BET1: variants seen among roughly 807,000 people sequenced by gnomAD.
BET1 encodes the protein BET1 homolog.
In BET1, 9 loss-of-function variants were observed where a neutral mutation model predicts 13.9. That is an observed-to-expected ratio of 0.65 (90% CI 0.39 to 1.13). BET1 has a LOEUF of 1.13. Ranked by LOEUF, BET1 falls within the 50% of genes most tolerant of loss-of-function variation. The pLI is 0.01. For missense variants in BET1, 127 were observed against 133.6 expected (o/e 0.95, Z 0.24); for synonymous variants, 39 against 47.3 (o/e 0.82, Z 0.72).
intron 1 of BET1, among the ~76,000 whole-genome samples, chr7:94,002,883 C>G (rs1795941560): frequency 1.3e-5 from 2 of 152,230 alleles, no homozygotes; most frequent in African/African-American, 4.8e-5. Flanking sequence ...ACCAAATACA[C>G]AAAGATCTTC....
chr7:93,992,648 C>T (rs1267885045), downstream of BET1: 2 of 985,066 alleles, frequency 2.0e-6, no homozygotes, highest in African/African-American at 3.5e-5. Flanking sequence ...CTGAAAACAA[C>T]CTATTGTCTT....
intron 1 of BET1, among the ~76,000 whole-genome samples, chr7:94,000,583 A>C (rs1342276796): frequency 6.6e-6 from 1 of 152,128 alleles, no homozygotes; most frequent in East Asian, 1.9e-4. Context: ...CGGTGGCTTC[A>C]ATCGTCCCAG....
chr7:93,993,684 G>T lies in BET1; in HGVS notation c.*546C>A. 7.4e-7 allele frequency: 1 copy of T among 1,343,942 alleles called. No homozygotes were observed. Among genetic ancestry groups the T allele is most frequent in the East Asian group, 2.8e-5 (1 of 35,304 alleles). 83.3% of individuals were successfully genotyped at this position (1,343,942 alleles called of 1,614,324 possible). ...GGTCTTTGGGCAGAAAGAAATGAGG[G>T]GTCATTATCATCAAAAATTATTAGG... is the stretch of plus-strand genomic sequence containing the variant. On this transcript the variant is annotated 3_prime_UTR_variant, in exon 4 of 4. Coordinates refer to ENST00000222547, the MANE Select transcript of BET1 (RefSeq NM_005868.6).
chr7:93,984,365 C>G (rs1375257812), intron 4 of BET1, among the ~76,000 whole-genome samples: 2 of 152,094 alleles, frequency 1.3e-5, no homozygotes, highest in Non-Finnish European at 2.9e-5. Flanking sequence ...TCTGGGTGTA[C>G]ATGAATCTTT....
chr7:93,967,436 G>A (rs1292733283), intron 6 of BET1, among the ~76,000 whole-genome samples: 2 of 151,810 alleles, frequency 1.3e-5, no homozygotes, highest in African/African-American at 4.8e-5. Context: ...AACTTTAGTT[G>A]TGAAATTCCT....
downstream of BET1, chr7:93,992,294 C>T (rs1795652556): frequency 1.0e-6 from 1 of 985,176 alleles, no homozygotes; most frequent in East Asian, 1.1e-4. Flanking sequence ...CTTGATGATA[C>T]TGTCCACATT....
intron 5 of BET1, among the ~76,000 whole-genome samples, chr7:93,975,567 G>T (rs1361668209): frequency 6.6e-6 from 1 of 152,040 alleles, no homozygotes; most frequent in South Asian, 2.1e-4. Context: ...AATTTTAAAA[G>T]ATAATGCAAA....
At chr7:93,992,738 C>G (rs1795662357), downstream of BET1, 2 of 944,044 alleles carry the variant, frequency 2.1e-6, no homozygotes, top group African/African-American at 3.6e-5. Context: ...TTATCGCATA[C>G]CAGGCACTTT....
At chr7:93,993,017 G>A (rs151190825), downstream of BET1, 12 of 984,042 alleles carry the variant, frequency 1.2e-5, no homozygotes, top group African/African-American at 1.9e-4. Context: ...AGGTTATTAG[G>A]GATGAACAAA....
chr7:93,981,103 T>C (rs929618448), intron 4 of BET1, among the ~76,000 whole-genome samples: 1 of 152,192 alleles, frequency 6.6e-6, no homozygotes, highest in Non-Finnish European at 1.5e-5. Flanking sequence ...TTAATATTTG[T>C]AGTATTTTAT....
At chr7:93,984,031 A>G (rs1795478277) in intron 4 of BET1, among the ~76,000 whole-genome samples, 1 of 152,154 alleles carries the variant, frequency 6.6e-6, no homozygotes, top group Admixed American at 6.6e-5. Context: ...TTATCCCACA[A>G]TTCAGGAGGC....
chr7:93,976,994 G>C (rs953324051), intron 4 of BET1, among the ~76,000 whole-genome samples: 48 of 152,152 alleles, frequency 3.2e-4, no homozygotes, highest in African/African-American at 1.1e-3. Context: ...AGGTTCCTGC[G>C]AATGCCCTTA....
At chr7:93,965,875 A>T (rs1282338309) in intron 6 of BET1, among the ~76,000 whole-genome samples, 1 of 152,062 alleles carries the variant, frequency 6.6e-6, no homozygotes, top group African/African-American at 2.4e-5. Flanking sequence ...ATAAGAAAAC[A>T]AGATAGACCT....
At position 93,986,550 on chromosome 7, in the gene BET1, C is replaced by T. The variant is rs569267365; in HGVS notation, c.235+7802G>A. On this transcript the variant is annotated intron_variant and NMD_transcript_variant, in intron 4 of 6. Transcript: ENST00000357520. ...AATTGCCAACAGTAGGGATATGCCC[C>T]GCCTGTCACTTGAATACGTTCTTAA... 8.5e-5 allele frequency among the ~76,000 whole-genome samples: 13 copies of T among 152,304 alleles called. No individual in the cohort carries two copies. The South Asian group carries it at 2.5e-3, about 29-fold the overall frequency.
chr7:93,972,183 A>G (rs923360841), intron 6 of BET1, among the ~76,000 whole-genome samples: 6 of 151,892 alleles, frequency 4.0e-5, no homozygotes, highest in Admixed American at 1.3e-4. Flanking sequence ...GCTGCCATCC[A>G]TCAGAGACAA....
chr7:94,001,831 C>G (rs1795910812), intron 1 of BET1, among the ~76,000 whole-genome samples: 1 of 152,208 alleles, frequency 6.6e-6, no homozygotes, highest in Admixed American at 6.5e-5. Flanking sequence ...CATTTGACAA[C>G]TTCACCAAGG....
chr7:93,994,090 TA>T lies in BET1; in HGVS notation c.*139del. ...CCACTGTATTAACTAATGTGATTTA[TA>T]AAATAAGCAAAATTCAGCAATTTTC... On this transcript the variant is annotated 3_prime_UTR_variant, in exon 4 of 4. Coordinates refer to ENST00000222547, the MANE Select transcript of BET1 (RefSeq NM_005868.6). 1 of 1,441,322 alleles carries T rather than the reference TA, an allele frequency of 6.9e-7. No homozygotes were observed. The highest frequency in any genetic ancestry group is 1.5e-5 in the South Asian group (1 of 65,224). 89.3% of individuals were successfully genotyped at this position (1,441,322 alleles called of 1,614,324 possible).
intron 1 of BET1, among the ~76,000 whole-genome samples, chr7:94,002,681 C>A (rs1795936569): frequency 6.6e-6 from 1 of 152,098 alleles, no homozygotes; most frequent in Non-Finnish European, 1.5e-5. Context: ...CTCAAAAGGG[C>A]CTAGGGGCCT....
At chr7:93,995,634 T>C (rs978930972) in intron 3 of BET1, among the ~76,000 whole-genome samples, 1 of 152,214 alleles carries the variant, frequency 6.6e-6, no homozygotes, top group Non-Finnish European at 1.5e-5. Context: ...CCTAGCTTAT[T>C]ATAGCGCACA....
Sources: allele counts gnomAD v4.1 joint callset (sites outside exome capture counted in the v4.1 genomes callset), GRCh38; gene constraint gnomAD v4.1.1; transcripts MANE v1.5; gene names NCBI Gene and HGNC (gene_info 2026-07-23, HGNC 2026-07-21).